The following DAPK1 variants were observed in gnomAD, a reference collection of about 807,000 sequenced individuals.
The protein encoded by DAPK1 is death associated protein kinase 1.
In DAPK1, 56 loss-of-function variants were observed where a neutral mutation model predicts 144.9. The observed-to-expected ratio is 0.39, with a 90% CI of 0.31 to 0.48. The LOEUF is 0.48. Ranked by LOEUF, DAPK1 falls within the 20% of genes least tolerant of loss-of-function variation. The probability of loss-of-function intolerance (pLI) is 0.95; values close to 1 mark genes in which losing one functional copy is unlikely to be tolerated. For synonymous variants in DAPK1, 690 were observed against 749.0 expected, an observed-to-expected ratio of 0.92 and a Z score of 1.29; for missense variants, 1,454 against 1,875.4, an observed-to-expected ratio of 0.78 and a Z score of 4.15.
intron 3 of DAPK1, among the ~76,000 whole-genome samples, chr9:87,621,950 C>T (rs1046054249): frequency 2.0e-5 from 3 of 152,000 alleles, no homozygotes; most frequent in African/African-American, 4.8e-5. Flanking sequence ...CCCTTTTTCA[C>T]ACGTTACCAC....
At chr9:87,642,148 A>G in intron 10 of DAPK1, 90 bp downstream of exon 10, 4 of 917,450 alleles carry the variant, frequency 4.4e-6, no homozygotes, top group Non-Finnish European at 6.9e-6. Context: ...GATACTGGTA[A>G]TATGGAAGAT....
At chr9:87,566,928 A>G (rs1432979883) in intron 2 of DAPK1, among the ~76,000 whole-genome samples, 1 of 152,208 alleles carries the variant, frequency 6.6e-6, no homozygotes, top group East Asian at 1.9e-4. Context: ...CTATGGAAAG[A>G]GCATGAACTG....
intron 3 of DAPK1, 48 bp from the exon 4 acceptor site, chr9:87,637,895 A>G (rs1178374994): frequency 6.3e-7 from 1 of 1,592,686 alleles, no homozygotes; most frequent in Non-Finnish European, 8.6e-7. Context: ...AGAAGGAATC[A>G]ATATGAAACA....
chr9:87,640,296 A>C lies in DAPK1; in HGVS notation c.630-2A>C, dbSNP rs1830051162. The stretch of plus-strand genomic sequence containing the variant: ...TTCTATGCCCAACTTTATTTTTAAC[A>C]GCCTAAGTGGGGCCTCCCCATTTCT... On this transcript the variant is annotated splice_acceptor_variant, in intron 7 of 25. Coordinates refer to ENST00000408954, the MANE Select transcript of DAPK1 (RefSeq NM_004938.4). LOFTEE classifies it high-confidence loss of function. The C allele has an allele frequency of 6.2e-7, 1 of 1,611,284 alleles. No individual in the cohort carries two copies.
At position 87,669,542 on chromosome 9, in the gene DAPK1, G is replaced by GTTAT. The variant is rs36216616; in HGVS notation, c.2001+868_2001+869insTTAT. 2.7e-3 allele frequency among the ~76,000 whole-genome samples: 406 copies of GTTAT among 151,620 alleles called. 1 individual carries two copies. The highest frequency in any genetic ancestry group is 9.3e-3 in the African/African-American group (386 of 41,318). On this transcript the variant is annotated intron_variant, in intron 19 of 25. Transcript: ENST00000408954. ...ATTTTTTTTAAAATGTTATAACAAT[G>GTTAT]GTAATCATTTTTTTAAAAACCACAA...
chr9:87,695,743 A>T (rs1038439635), intron 21 of DAPK1, among the ~76,000 whole-genome samples: 1 of 152,180 alleles, frequency 6.6e-6, no homozygotes, highest in Non-Finnish European at 1.5e-5. Flanking sequence ...GCCCTCAGTC[A>T]CCTGGCCAAG....
chr9:87,527,903 G>T (rs998294044), intron 2 of DAPK1, among the ~76,000 whole-genome samples: 1 of 152,230 alleles, frequency 6.6e-6, no homozygotes, highest in Non-Finnish European at 1.5e-5. Context: ...GCGAACAATT[G>T]TTTGCTGACC....
chr9:87,552,618 G>A (rs35860578), intron 2 of DAPK1, among the ~76,000 whole-genome samples: 35,291 of 151,632 alleles, frequency 0.23, 4,649 homozygotes, highest in Non-Finnish European at 0.31. Context: ...TGGAGACAAG[G>A]TCTTGCTCTG....
chr9:87,704,033 C>T (rs1366702506), intron 25 of DAPK1, among the ~76,000 whole-genome samples: 1 of 152,128 alleles, frequency 6.6e-6, no homozygotes, highest in Non-Finnish European at 1.5e-5. Context: ...GGCCCTATAG[C>T]CAGTTTGTAT....
intron 18 of DAPK1, among the ~76,000 whole-genome samples, chr9:87,662,560 G>GTTTTTTTTTTTTTATTTTT (rs1830889497): frequency 3.1e-5 from 1 of 32,154 alleles, no homozygotes; most frequent in African/African-American, 1.5e-4. Context: ...TATATTCCTA[G>GTTTTTTTTTTTTTATTTTT]TTTTTTTTTT....
At chr9:87,611,376 C>T (rs1261539229) in intron 3 of DAPK1, among the ~76,000 whole-genome samples, 1 of 152,130 alleles carries the variant, frequency 6.6e-6, no homozygotes, top group Non-Finnish European at 1.5e-5. Flanking sequence ...GCCTCAAGCT[C>T]CTGCACTCAA....
intron 2 of DAPK1, among the ~76,000 whole-genome samples, chr9:87,505,438 C>G (rs886594004): frequency 6.6e-6 from 1 of 152,190 alleles, no homozygotes; most frequent in Non-Finnish European, 1.5e-5. Context: ...CTCTGTTGCC[C>G]AGGCTAGAGT....
intron 11 of DAPK1, among the ~76,000 whole-genome samples, chr9:87,644,661 G>A (rs1178480711): frequency 2.0e-5 from 3 of 152,156 alleles, no homozygotes; most frequent in Non-Finnish European, 1.5e-5. Context: ...GTGACTCTAG[G>A]TAAGATAATG....
rs772867327 is a variant in DAPK1 at position 87,701,948 on chromosome 9, C to T, written c.2872-1081C>T. The T allele has an allele frequency of 5.5e-5, 25 of 457,508 alleles. No individual in the cohort carries two copies. In the Middle Eastern group the frequency reaches 3.3e-3, roughly 61 times the overall value. 28.3% of individuals were successfully genotyped at this position (457,508 alleles called of 1,614,324 possible). ...AGGAATCTGTCACAGAAACCAGGGG[C>T]GGTGATCTGGGAACTAACAGTGGTC... On this transcript the variant is annotated intron_variant, in intron 24 of 25. Coordinates refer to ENST00000408954, the MANE Select transcript of DAPK1 (RefSeq NM_004938.4).
intron 10 of DAPK1, among the ~76,000 whole-genome samples, chr9:87,642,825 C>A (rs895589115): frequency 6.6e-6 from 1 of 152,228 alleles, no homozygotes; most frequent in African/African-American, 2.4e-5. Flanking sequence ...AACCATTTCT[C>A]TTTCTCGCTC....
intron 2 of DAPK1, among the ~76,000 whole-genome samples, chr9:87,547,321 A>G (rs1253602166): frequency 6.6e-6 from 1 of 152,192 alleles, no homozygotes; most frequent in Non-Finnish European, 1.5e-5. Context: ...ACTGGCTTCC[A>G]GAGAAAAGAT....
chr9:87,597,398 A>C (rs1010000319), intron 2 of DAPK1, among the ~76,000 whole-genome samples: 1 of 152,126 alleles, frequency 6.6e-6, no homozygotes, highest in African/African-American at 2.4e-5. Context: ...AGCTTTGTTG[A>C]GTTCCAATGG....
In DAPK1 at chr9:87,646,607, G is replaced by A. The variant is rs764840929; in HGVS notation, c.1230+48G>A. ...GAATTGAATTTTAAAGTATTTTCAA[G>A]TGTCTCTTAATCATAGGGGTAACAG... On this transcript the variant is annotated intron_variant, in intron 13 of 25. Coordinates refer to ENST00000408954, the MANE Select transcript of DAPK1 (RefSeq NM_004938.4). 8.7e-6 allele frequency: 13 copies of A among 1,487,756 alleles called. 1 individual carries two copies. The South Asian group carries it at 1.4e-4, about 16-fold the overall frequency. 92.2% of individuals were successfully genotyped at this position (1,487,756 alleles called of 1,614,324 possible). A position where few individuals can be genotyped will look rare whatever the true frequency, so the allele number is the denominator to read the frequency against.
intron 2 of DAPK1, among the ~76,000 whole-genome samples, chr9:87,512,773 TG>T (rs1333133183): frequency 6.6e-6 from 1 of 152,178 alleles, no homozygotes; most frequent in Non-Finnish European, 1.5e-5. Context: ...AGTAAGTAGC[TG>T]GGATTACAGG....
Sources: gnomAD v4.1 joint callset for allele counts (sites outside exome capture counted in the v4.1 genomes callset) on GRCh38, gnomAD v4.1.1 for gene constraint, MANE v1.5 for transcripts, NCBI Gene and HGNC (gene_info 2026-07-23, HGNC 2026-07-21) for gene names.